The following NDUFB1 variants were observed in gnomAD, a reference collection of about 807,000 sequenced individuals.
NDUFB1 encodes NADH:ubiquinone oxidoreductase subunit B1.
In NDUFB1, 6 loss-of-function variants were observed where a neutral mutation model predicts 6.7. The observed-to-expected ratio is 0.89, with a 90% CI of 0.49 to 1.76. The LOEUF (loss-of-function observed/expected upper bound fraction) is 1.76. Among genes scored for constraint, NDUFB1 ranks in the 40% most tolerant of loss-of-function variants. The pLI, the probability that NDUFB1 is intolerant of heterozygous loss-of-function variation, is 0.01. For missense variants in NDUFB1, 56 were observed against 71.0 expected (o/e 0.79, Z 0.76); for synonymous variants, 17 against 22.9 (o/e 0.74, Z 0.74).
intron 1 of NDUFB1, 101 bp downstream of exon 1, chr14:92,121,541 C>T: frequency 1.9e-6 from 3 of 1,544,870 alleles, no homozygotes; most frequent in Non-Finnish European, 2.7e-6. Flanking sequence ...GCCCAGACCA[C>T]CCCTCCACAC....
chr14:92,119,646 T>C (rs1007597208), intron 1 of NDUFB1, among the ~76,000 whole-genome samples: 1 of 152,246 alleles, frequency 6.6e-6, no homozygotes, highest in African/African-American at 2.4e-5. Flanking sequence ...GATTTTTTGA[T>C]TTTGAAATAT....
At chr14:92,116,304 A>G (rs984603742) in intron 2 of NDUFB1, 75 bp from the exon 3 acceptor site, 13 of 1,171,668 alleles carry the variant, frequency 1.1e-5, no homozygotes, top group Admixed American at 7.7e-5. Flanking sequence ...AGGGGAAGTC[A>G]GAAGAATGAT....
At chr14:92,119,793 G>A (rs1054756832) in intron 1 of NDUFB1, among the ~76,000 whole-genome samples, 4 of 150,024 alleles carry the variant, frequency 2.7e-5, no homozygotes, top group Non-Finnish European at 4.4e-5. Context: ...AAATAGTCTC[G>A]CTCTGTCACC....
Position 92,121,673 on chromosome 14 carries a change from A to C in NDUFB1, c.-37T>G. The stretch of plus-strand genomic sequence containing the variant: ...CCTCAGCGCCTACAGCGACCCCGAG[A>C]CCAAGGGCAACAGGGAACTCAACCC... On this transcript the variant is annotated 5_prime_UTR_variant, in exon 1 of 3. Transcript: ENST00000605997. The C allele has an allele frequency of 1.2e-6, 2 of 1,613,544 alleles. No homozygotes were observed. The highest frequency in any genetic ancestry group is 1.1e-5 in the South Asian group (1 of 91,074).
intron 2 of NDUFB1, 151 bp from the exon 3 acceptor site, chr14:92,116,380 C>T: frequency 2.9e-6 from 2 of 694,258 alleles, no homozygotes; most frequent in East Asian, 2.9e-5. Flanking sequence ...GTAGCCCAGG[C>T]TGGAGTGCAG....
At chr14:92,117,671 C>T (rs1450559860) in intron 1 of NDUFB1, 29 bp from the exon 2 acceptor site, 2 of 1,558,822 alleles carry the variant, frequency 1.3e-6, no homozygotes, top group Non-Finnish European at 1.7e-6. Flanking sequence ...ATCAGAAATA[C>T]AACTGCTTTG....
chr14:92,116,423 T>C (rs924683657), intron 2 of NDUFB1, among the ~76,000 whole-genome samples, 194 bp from the exon 3 acceptor site: 3 of 141,194 alleles, frequency 2.1e-5, no homozygotes, highest in Non-Finnish European at 4.5e-5. Context: ...AAACTCCACC[T>C]CCTGGCTTCA....
At chr14:92,116,710 C>A (rs938369654) in intron 2 of NDUFB1, among the ~76,000 whole-genome samples, 14 of 152,156 alleles carry the variant, frequency 9.2e-5, no homozygotes, top group African/African-American at 3.1e-4. Flanking sequence ...TCTTTTCATT[C>A]ATGATTTTAA....
At chr14:92,116,303 C>T in intron 2 of NDUFB1, 74 bp from the exon 3 acceptor site, 2 of 985,186 alleles carry the variant, frequency 2.0e-6, no homozygotes, top group Non-Finnish European at 1.6e-6. Context: ...AAGGGGAAGT[C>T]AGAAGAATGA....
At chr14:92,121,402 A>T in intron 1 of NDUFB1, 1 of 632,486 alleles carries the variant, frequency 1.6e-6, no homozygotes, top group Non-Finnish European at 2.7e-6. Flanking sequence ...TCACATCTCT[A>T]CGGACGTTTT....
chr14:92,119,765 A>G (rs998051666), intron 1 of NDUFB1, among the ~76,000 whole-genome samples: 5 of 151,772 alleles, frequency 3.3e-5, no homozygotes, highest in Admixed American at 3.3e-4. Flanking sequence ...ATCTTATATG[A>G]AACTTTTTTT....
At chr14:92,120,047 T>C (rs1013032717) in intron 1 of NDUFB1, among the ~76,000 whole-genome samples, 4 of 152,036 alleles carry the variant, frequency 2.6e-5, no homozygotes, top group African/African-American at 7.3e-5. Flanking sequence ...TCAGGGATAC[T>C]GAACCTGTAA....
At position 92,116,554 on chromosome 14, in the gene NDUFB1, C is replaced by T. The variant is rs190479556; in HGVS notation, c.141-325G>A. On this transcript the variant is annotated intron_variant, in intron 2 of 2. Coordinates refer to ENST00000605997, the MANE Select transcript of NDUFB1 (RefSeq NM_004545.4). ...TTCACCATGTTGGCCAGGCTGGTCT[C>T]GAACTCCTGACCTCAAGGAATCCAC... Among the ~76,000 whole-genome samples the T allele has an allele frequency of 7.9e-4, 119 of 151,478 alleles. 2 individuals are homozygous for T. In the East Asian group the frequency reaches 0.016, roughly 20 times the overall value.
chr14:92,118,997 A>AAT, intron 1 of NDUFB1: 1 of 371,486 alleles, frequency 2.7e-6, no homozygotes, highest in South Asian at 2.0e-5. Context: ...AGAAAAAAAA[A>AAT]GGCAAAGGGA....
chr14:92,117,258 A>G (rs1474840787), intron 2 of NDUFB1, among the ~76,000 whole-genome samples: 1 of 152,222 alleles, frequency 6.6e-6, no homozygotes, highest in Admixed American at 6.5e-5. Context: ...CTTTGAATTA[A>G]AAAAAGACGA....
intron 1 of NDUFB1, chr14:92,118,882 G>A: frequency 4.0e-6 from 1 of 253,044 alleles, no homozygotes; most frequent in South Asian, 3.4e-5. Context: ...GCTGAGGCAG[G>A]AGAATTGCTT....
At chr14:92,116,898 C>T (rs990243096) in intron 2 of NDUFB1, among the ~76,000 whole-genome samples, 1 of 152,236 alleles carries the variant, frequency 6.6e-6, no homozygotes, top group South Asian at 2.1e-4. Context: ...TACCATCTCT[C>T]CATACCCACT....
chr14:92,116,333 T>C (rs2068717078), intron 2 of NDUFB1, 104 bp from the exon 3 acceptor site: 3 of 516,814 alleles, frequency 5.8e-6, no homozygotes, highest in South Asian at 2.9e-5. Context: ...TTCATTTTCT[T>C]TTTTTTTTTT....
intron 2 of NDUFB1, among the ~76,000 whole-genome samples, chr14:92,116,483 GCCA>G (rs1298724478): frequency 6.6e-6 from 1 of 151,400 alleles, no homozygotes; most frequent in East Asian, 1.9e-4. Context: ...ACAGCTGTGT[GCCA>G]CCACACCGAG....
Sources: allele counts gnomAD v4.1 joint callset (sites outside exome capture counted in the v4.1 genomes callset), GRCh38; gene constraint gnomAD v4.1.1; transcripts MANE v1.5; gene names NCBI Gene and HGNC (gene_info 2026-07-23, HGNC 2026-07-21).